SLC24A2: variants seen among roughly 807,000 people sequenced by gnomAD.
SLC24A2 encodes solute carrier family 24 member 2.
SLC24A2 carries 36 observed loss-of-function variants against 62.0 expected under a neutral mutation model. The ratio of observed to expected loss-of-function variants is 0.58; its 90% confidence interval spans 0.44 to 0.77. The LOEUF (loss-of-function observed/expected upper bound fraction) is 0.77, where lower values mean the gene tolerates loss of function less well. Among genes scored for constraint, SLC24A2 ranks in the 30% least tolerant of loss-of-function variants. SLC24A2 has a pLI of 0.00. For synonymous variants in SLC24A2, 358 were observed against 294.0 expected (o/e 1.22, Z -2.23); for missense variants, 846 against 817.9 (o/e 1.03, Z -0.42).
At chr9:20,069,112 C>G in the SLC24A2 span, among the ~76,000 whole-genome samples, 5 of 152,142 alleles carry the variant, frequency 3.3e-5, no homozygotes, top group Non-Finnish European at 5.9e-5. Context: ...AGCCTGTTAT[C>G]CTTGACTTTT....
chr9:20,203,398 G>T, the SLC24A2 span, among the ~76,000 whole-genome samples: 3 of 152,216 alleles, frequency 2.0e-5, no homozygotes, highest in Non-Finnish European at 4.4e-5. Context: ...CAGCTCCACG[G>T]TATACCAAAA....
chr9:20,287,958 T>G, the SLC24A2 span, among the ~76,000 whole-genome samples: 1 of 152,210 alleles, frequency 6.6e-6, no homozygotes, highest in East Asian at 1.9e-4. Flanking sequence ...TTTTTACACA[T>G]ATTGATTGCA....
At chr9:19,875,702 C>T in the SLC24A2 span, among the ~76,000 whole-genome samples, 4 of 152,266 alleles carry the variant, frequency 2.6e-5, no homozygotes, top group Middle Eastern at 3.4e-3. Flanking sequence ...CAGTTGTGAA[C>T]TACAGTGAGA....
At chr9:19,621,046 G>A (rs559268431) in intron 3 of SLC24A2, among the ~76,000 whole-genome samples, 30 of 152,282 alleles carry the variant, frequency 2.0e-4, no homozygotes, top group Admixed American at 1.4e-3. Flanking sequence ...TACATCATTA[G>A]ACCACTAAGT....
At chr9:19,843,424 A>G in the SLC24A2 span, among the ~76,000 whole-genome samples, 1 of 152,362 alleles carries the variant, frequency 6.6e-6, no homozygotes, top group East Asian at 1.9e-4. Context: ...AGGCCAGAGA[A>G]TCGCTTGAAC....
At chr9:19,562,797 T>C (rs929621913) in intron 7 of SLC24A2, among the ~76,000 whole-genome samples, 8 of 152,334 alleles carry the variant, frequency 5.3e-5, no homozygotes, top group African/African-American at 1.4e-4. Flanking sequence ...TCTAATACTG[T>C]TCAGGCCTTG....
chr9:19,983,803 A>G, the SLC24A2 span, among the ~76,000 whole-genome samples: 1 of 152,220 alleles, frequency 6.6e-6, no homozygotes, highest in Non-Finnish European at 1.5e-5. Flanking sequence ...AGAATTTTAA[A>G]TCTAAGGAGG....
chr9:19,657,676 T>A (rs1818980591), intron 2 of SLC24A2, among the ~76,000 whole-genome samples: 1 of 152,164 alleles, frequency 6.6e-6, no homozygotes, highest in African/African-American at 2.4e-5. Flanking sequence ...ACACTACTCT[T>A]TCCACAAAAT....
At chr9:19,825,638 A>G in the SLC24A2 span, among the ~76,000 whole-genome samples, 2 of 152,166 alleles carry the variant, frequency 1.3e-5, no homozygotes, top group Non-Finnish European at 2.9e-5. Context: ...TCTGGGATGT[A>G]GGGTCTAACT....
At chr9:19,552,758 A>G (rs116992659) in intron 7 of SLC24A2, among the ~76,000 whole-genome samples, 149 of 152,332 alleles carry the variant, frequency 9.8e-4, no homozygotes, top group Non-Finnish European at 1.7e-3. Context: ...CATTTCATCA[A>G]TAACCCTTCT....
At chr9:20,271,576 C>A in the SLC24A2 span, among the ~76,000 whole-genome samples, 2 of 152,174 alleles carry the variant, frequency 1.3e-5, no homozygotes, top group Admixed American at 6.5e-5. Flanking sequence ...CTGCTAGGTG[C>A]AATAGACAAA....
the SLC24A2 span, among the ~76,000 whole-genome samples, chr9:20,024,995 G>C: frequency 6.6e-6 from 1 of 152,088 alleles, no homozygotes; most frequent in East Asian, 1.9e-4. Flanking sequence ...CCAGGCCAGT[G>C]GTGTTCAAAG....
chr9:19,760,802 C>T (rs1386890289), intron 2 of SLC24A2, among the ~76,000 whole-genome samples: 2 of 151,226 alleles, frequency 1.3e-5, no homozygotes, highest in East Asian at 3.9e-4. Flanking sequence ...AATGTTTGTT[C>T]TATCGCAAGG....
Position 19,511,183 on chromosome 9 carries a change from C to T in SLC24A2, c.*4970G>A, listed in dbSNP as rs1194102273. ...AAAAGGAATATTGCCATGGTGTAAT[C>T]ATAAGTAATAGAGTTGAGCTGGCTG... On this transcript the variant is annotated 3_prime_UTR_variant, in exon 11 of 11. Coordinates refer to ENST00000341998, the MANE Select transcript of SLC24A2 (RefSeq NM_020344.4). The T allele has an allele frequency of 1.3e-5, 2 of 152,146 alleles. No homozygotes were observed. Among genetic ancestry groups the T allele is most frequent in the African/African-American group, 4.8e-5 (2 of 41,416 alleles). The allele number at this position is 152,146 out of a possible 1,614,324, so 9.4% of individuals were successfully genotyped here.
At chr9:19,889,553 G>T in the SLC24A2 span, among the ~76,000 whole-genome samples, 1 of 152,078 alleles carries the variant, frequency 6.6e-6, no homozygotes, top group African/African-American at 2.4e-5. Flanking sequence ...GTCTTTTCAG[G>T]GGTGAGGGAT....
chr9:20,183,359 A>G, the SLC24A2 span, among the ~76,000 whole-genome samples: 1 of 152,248 alleles, frequency 6.6e-6, no homozygotes, highest in African/African-American at 2.4e-5. Context: ...TGATGAGTGC[A>G]GAGTGAAGCA....
chr9:20,166,047 A>G, the SLC24A2 span, among the ~76,000 whole-genome samples: 1 of 151,974 alleles, frequency 6.6e-6, no homozygotes, highest in African/African-American at 2.4e-5. Context: ...AAAATTAAAC[A>G]TTATAAGATT....
At chr9:20,159,010 C>A in the SLC24A2 span, among the ~76,000 whole-genome samples, 2 of 151,428 alleles carry the variant, frequency 1.3e-5, no homozygotes, top group Non-Finnish European at 3.0e-5. Context: ...TCTGTGAGGG[C>A]AAAAATATTA....
the SLC24A2 span, among the ~76,000 whole-genome samples, chr9:19,935,027 TTTTTA>T: frequency 5.0e-3 from 761 of 151,974 alleles, 11 homozygotes; most frequent in African/African-American, 0.017. Context: ...CTACCACTTA[TTTTTA>T]TTTTATTTAT....
Sources: allele counts gnomAD v4.1 joint callset (sites outside exome capture counted in the v4.1 genomes callset), GRCh38; gene constraint gnomAD v4.1.1; transcripts MANE v1.5; gene names NCBI Gene and HGNC (gene_info 2026-07-23, HGNC 2026-07-21).